The following ESRRG variants were observed in gnomAD, a reference collection of about 807,000 sequenced individuals.
The protein encoded by ESRRG is estrogen-related receptor gamma.
Under a neutral mutation model 44.0 loss-of-function variants are expected in ESRRG, and 13 were observed. The ratio of observed to expected loss-of-function variants is 0.30; its 90% CI spans 0.19 to 0.47. The LOEUF (loss-of-function observed/expected upper bound fraction) is 0.47. Among genes scored for constraint, ESRRG ranks in the 20% least tolerant of loss-of-function variants. The pLI is 1.00. For synonymous variants in ESRRG, 215 were observed against 214.6 expected, an observed-to-expected ratio of 1.00 and a Z score of -0.02; for missense variants, 395 against 580.6, an observed-to-expected ratio of 0.68 and a Z score of 3.29.
Position 216,636,564 on chromosome 1 carries a change from G to A in ESRRG, c.589+14409C>T, listed in dbSNP as rs72737347. The stretch of plus-strand genomic sequence containing the variant: ...ATGTGCAAATCACTCTGGTCTCCCA[G>A]GACTGTTTAAGAGTTCAGCTGACTA... On this transcript the variant is annotated intron_variant, in intron 3 of 6. Coordinates refer to ENST00000408911, the MANE Select transcript of ESRRG (RefSeq NM_001438.4). 1.3e-3 allele frequency among the ~76,000 whole-genome samples: 201 copies of A among 152,226 alleles called. 1 individual carries two copies. Among genetic ancestry groups the A allele is most frequent in the Non-Finnish European group, 2.2e-3 (150 of 68,030 alleles).
At chr1:217,111,896 C>A (rs1389654444) in intron 1 of ESRRG, among the ~76,000 whole-genome samples, 1 of 152,174 alleles carries the variant, frequency 6.6e-6, no homozygotes, top group Admixed American at 6.5e-5. Context: ...ACTTCCAAGG[C>A]TCACTCTTAA....
chr1:216,509,588 G>C (rs1188848686), intron 6 of ESRRG, among the ~76,000 whole-genome samples: 1 of 152,162 alleles, frequency 6.6e-6, no homozygotes, highest in Non-Finnish European at 1.5e-5. Flanking sequence ...CATGGGAAAT[G>C]AGACAAGAAC....
Position 216,912,185 on chromosome 1 carries a change from G to GA in ESRRG, c.-14+27396_-14+27397insT, listed in dbSNP as rs1389328433. On this transcript the variant is annotated intron_variant, in intron 2 of 7. Coordinates refer to the ESRRG transcript ENST00000359162. ...GAAAAGAAAAGAAAAGAAAAGAAAA[G>GA]GAGAGGAGAGGAGAGGAGAGGAGAG... Among the ~76,000 whole-genome samples, 21 of 8,388 alleles carry GA rather than the reference G, an allele frequency of 2.5e-3. 2 individuals are homozygous for GA. Among genetic ancestry groups the GA allele is most frequent in the East Asian group, 4.6e-3 (1 of 218 alleles). 5.5% of individuals were successfully genotyped at this position (8,388 alleles called of 152,430 possible).
At chr1:216,939,471 G>C (rs569009798) in intron 2 of ESRRG, 2 of 150,658 alleles carry the variant, frequency 1.3e-5, no homozygotes, top group African/African-American at 4.9e-5. Flanking sequence ...CACAATAGTA[G>C]TCAAAGATGT....
At chr1:216,656,903 A>C (rs2070748163) in intron 2 of ESRRG, among the ~76,000 whole-genome samples, 1 of 152,192 alleles carries the variant, frequency 6.6e-6, no homozygotes, top group African/African-American at 2.4e-5. Flanking sequence ...GGGTTTATCC[A>C]GTTGCTTTTC....
chr1:216,527,854 C>T (rs1189888431), intron 5 of ESRRG, among the ~76,000 whole-genome samples: 6 of 152,120 alleles, frequency 3.9e-5, no homozygotes, highest in African/African-American at 2.4e-5. Flanking sequence ...GTGTAAGTGA[C>T]CCCTGAAGTA....
At chr1:216,594,435 T>C (rs936165041) in intron 3 of ESRRG, among the ~76,000 whole-genome samples, 4 of 152,184 alleles carry the variant, frequency 2.6e-5, no homozygotes, top group African/African-American at 9.7e-5. Flanking sequence ...ATTTGCTCAG[T>C]ATTGCCATCA....
intron 6 of ESRRG, among the ~76,000 whole-genome samples, chr1:216,510,332 T>A (rs1166697031): frequency 1.3e-5 from 2 of 152,170 alleles, no homozygotes; most frequent in African/African-American, 4.8e-5. Flanking sequence ...CCAGAGTGTA[T>A]ATGAAACACA....
At chr1:216,959,177 T>C (rs2150154453) in intron 1 of ESRRG, among the ~76,000 whole-genome samples, 1 of 152,178 alleles carries the variant, frequency 6.6e-6, no homozygotes, top group Non-Finnish European at 1.5e-5. Flanking sequence ...ATTTTGACCA[T>C]TCATTCCACA....
chr1:216,883,386 GAAAAAAAAA>G lies in ESRRG; in HGVS notation c.-14+56187_-14+56195del, dbSNP rs11318094. ...GGGGACAAGAGCGAGACTTCTCTGA[GAAAAAAAAA>G]AAAAAAAAAAAAAAAAAAAGATACA... On this transcript the variant is annotated intron_variant, in intron 2 of 7. Transcript: ENST00000359162. Among the ~76,000 whole-genome samples the G allele has an allele frequency of 1.5e-4, 11 of 75,842 alleles. 1 individual carries two copies. Among genetic ancestry groups the G allele is most frequent in the African/African-American group, 3.0e-4 (7 of 23,214 alleles). The allele number at this position is 75,842 out of a possible 152,430, so 49.8% of individuals were successfully genotyped here.
chr1:216,665,589 A>T (rs1030650212), intron 2 of ESRRG, among the ~76,000 whole-genome samples: 1 of 152,198 alleles, frequency 6.6e-6, no homozygotes, highest in Non-Finnish European at 1.5e-5. Context: ...TACATCTGGC[A>T]TGATGAAATA....
At chr1:216,898,152 A>G (rs1048225192) in intron 2 of ESRRG, among the ~76,000 whole-genome samples, 5 of 152,224 alleles carry the variant, frequency 3.3e-5, no homozygotes, top group Non-Finnish European at 7.3e-5. Context: ...TTTTAGTCAA[A>G]CTAAGCAAGA....
intron 1 of ESRRG, among the ~76,000 whole-genome samples, chr1:217,042,221 T>G (rs2151138857): frequency 6.6e-6 from 1 of 152,264 alleles, no homozygotes; most frequent in Admixed American, 6.5e-5. Context: ...AATATAGAAA[T>G]TATGGAAATA....
chr1:216,976,806 A>ACGGTT (rs981349456), intron 1 of ESRRG, among the ~76,000 whole-genome samples: 4 of 152,090 alleles, frequency 2.6e-5, no homozygotes, highest in African/African-American at 9.7e-5. Flanking sequence ...TATTACTCTT[A>ACGGTT]CGGTTTTCAT....
rs1054473752 is a variant in ESRRG, at chr1:216,971,719, G to A, written c.-105-32046C>T. Among the ~76,000 whole-genome samples the A allele has an allele frequency of 4.6e-5, 7 of 152,114 alleles. No individual in the cohort carries two copies. The South Asian group carries it at 1.0e-3, about 23-fold the overall frequency. On this transcript the variant is annotated intron_variant, in intron 1 of 7. Coordinates refer to the ESRRG transcript ENST00000359162. ...AGCTAAATAGCTCTGATCTGAAAAC[G>A]AACAATGAGACTGAACTAAATTGAT...
chr1:216,512,705 C>A (rs1310438681), intron 6 of ESRRG, among the ~76,000 whole-genome samples: 1 of 151,760 alleles, frequency 6.6e-6, no homozygotes, highest in Non-Finnish European at 1.5e-5. Context: ...TGAAAAATGG[C>A]CCTGAAGATA....
chr1:216,840,761 C>T (rs965089435), intron 2 of ESRRG, among the ~76,000 whole-genome samples: 13 of 151,992 alleles, frequency 8.6e-5, no homozygotes, highest in Admixed American at 3.9e-4. Flanking sequence ...GGAAGAGAGA[C>T]GTGGAAACAG....
In ESRRG at chr1:216,683,941, A is replaced by G. The variant is rs532222256; in HGVS notation, c.57-6450T>C. Among the ~76,000 whole-genome samples, 13 of 152,356 alleles carry G rather than the reference A, an allele frequency of 8.5e-5. No homozygotes were observed. The South Asian group carries it at 2.5e-3, about 29-fold the overall frequency. On this transcript the variant is annotated intron_variant, in intron 1 of 6. Coordinates refer to ENST00000408911, the MANE Select transcript of ESRRG (RefSeq NM_001438.4). The stretch of plus-strand genomic sequence containing the variant: ...GATGGTTTGTCACTCAATCTGACAT[A>G]TAAAGATACCTGTAGAATCCTATGT...
At chr1:216,909,630 C>A (rs2060085207) in intron 2 of ESRRG, among the ~76,000 whole-genome samples, 1 of 152,056 alleles carries the variant, frequency 6.6e-6, no homozygotes, top group Admixed American at 6.5e-5. Flanking sequence ...AGTGATCTAC[C>A]CACCTCAGCC....
Sources: allele counts gnomAD v4.1 joint callset (sites outside exome capture counted in the v4.1 genomes callset), GRCh38; gene constraint gnomAD v4.1.1; transcripts MANE v1.5; gene names NCBI Gene and HGNC (gene_info 2026-07-23, HGNC 2026-07-21).